The following ST6GALNAC3 variants were observed in gnomAD, a reference collection of about 807,000 sequenced individuals.
ST6GALNAC3 encodes the protein ST6 N-acetylgalactosaminide alpha-2,6-sialyltransferase 3, also known as alpha-N-acetylgalactosaminide alpha-2,6-sialyltransferase 3.
In ST6GALNAC3, 25 loss-of-function variants were observed where a neutral mutation model predicts 32.7. The ratio of observed to expected loss-of-function variants is 0.76; its 90% CI spans 0.56 to 1.07. The LOEUF is 1.07. Among genes scored for constraint, ST6GALNAC3 ranks in the 50% least tolerant of loss-of-function variants. The pLI is 0.00. For synonymous variants in ST6GALNAC3, 129 were observed against 133.1 expected, an observed-to-expected ratio of 0.97 and a Z score of 0.21; for missense variants, 355 against 382.4, an observed-to-expected ratio of 0.93 and a Z score of 0.60.
intron 2 of ST6GALNAC3, among the ~76,000 whole-genome samples, chr1:76,338,436 A>G (rs769754568): frequency 6.6e-6 from 1 of 152,186 alleles, no homozygotes; most frequent in Admixed American, 6.5e-5. Context: ...AAAGACCCCT[A>G]TAATTCTAGA....
At chr1:76,425,960 C>CT (rs1655349810) in intron 3 of ST6GALNAC3, among the ~76,000 whole-genome samples, 1 of 151,808 alleles carries the variant, frequency 6.6e-6, no homozygotes, top group Non-Finnish European at 1.5e-5. Flanking sequence ...AATATGTTAG[C>CT]TTAAGTAAAG....
chr1:76,546,115 G>A (rs1320869531), intron 3 of ST6GALNAC3, among the ~76,000 whole-genome samples: 1 of 152,150 alleles, frequency 6.6e-6, no homozygotes, highest in African/African-American at 2.4e-5. Context: ...AACAGTGCTT[G>A]GCACATTTAA....
At chr1:76,234,107 G>A (rs992233120) in intron 1 of ST6GALNAC3, among the ~76,000 whole-genome samples, 1 of 152,106 alleles carries the variant, frequency 6.6e-6, no homozygotes, top group Non-Finnish European at 1.5e-5. Flanking sequence ...TTATACCCAG[G>A]TTTGTGCGAT....
rs1491209392 is a variant in ST6GALNAC3 at position 76,256,016 on chromosome 1, A to ACACACACG, written c.19-57782_19-57781insGCACACAC. ...TTTTTTCAAAAGACTGTCAGTGGTA[A>ACACACACG]CACACACACACACACACACACACAC... On this transcript the variant is annotated intron_variant, in intron 1 of 4. Transcript: ENST00000328299. Among the ~76,000 whole-genome samples, 3 of 38,558 alleles carry ACACACACG rather than the reference A, an allele frequency of 7.8e-5. No individual in the cohort carries two copies. In the African/African-American group the frequency reaches 1.3e-3, roughly 16 times the overall value. 25.3% of individuals were successfully genotyped at this position (38,558 alleles called of 152,430 possible).
chr1:76,474,663 G>T (rs1269433676), intron 3 of ST6GALNAC3, among the ~76,000 whole-genome samples: 1 of 152,106 alleles, frequency 6.6e-6, no homozygotes, highest in Non-Finnish European at 1.5e-5. Flanking sequence ...ACAAAAAGAT[G>T]CAGTCAGCTC....
intron 2 of ST6GALNAC3, among the ~76,000 whole-genome samples, chr1:76,365,586 C>T (rs1650302040): frequency 6.6e-6 from 1 of 152,116 alleles, no homozygotes; most frequent in African/African-American, 2.4e-5. Flanking sequence ...TTAAATAATT[C>T]CGTGATCTAA....
chr1:76,537,628 C>T (rs1663700437), intron 3 of ST6GALNAC3, among the ~76,000 whole-genome samples: 1 of 151,848 alleles, frequency 6.6e-6, no homozygotes, highest in Non-Finnish European at 1.5e-5. Flanking sequence ...TATTGTGTAC[C>T]ATCATTTTAC....
intron 1 of ST6GALNAC3, among the ~76,000 whole-genome samples, chr1:76,080,309 TC>T (rs1646875787): frequency 6.6e-6 from 1 of 152,184 alleles, no homozygotes; most frequent in Non-Finnish European, 1.5e-5. Context: ...TTTTTTTATG[TC>T]AGTTATAGAC....
chr1:76,503,789 A>C (rs1661319260), intron 3 of ST6GALNAC3, among the ~76,000 whole-genome samples: 1 of 152,178 alleles, frequency 6.6e-6, no homozygotes, highest in South Asian at 2.1e-4. Flanking sequence ...AGTCTTTACA[A>C]ACTCGGCTCA....
intron 1 of ST6GALNAC3, among the ~76,000 whole-genome samples, chr1:76,111,824 T>G (rs1449509146): frequency 6.6e-6 from 1 of 151,564 alleles, no homozygotes; most frequent in Non-Finnish European, 1.5e-5. Flanking sequence ...ATGAAAAGTC[T>G]CCCATGTCTA....
chr1:76,465,584 T>TG (rs1413276466), intron 3 of ST6GALNAC3, among the ~76,000 whole-genome samples: 1 of 152,164 alleles, frequency 6.6e-6, no homozygotes, highest in Non-Finnish European at 1.5e-5. Flanking sequence ...GGGGAACAGT[T>TG]GCTGTATTTG....
At chr1:76,527,509 A>G (rs140980349) in intron 3 of ST6GALNAC3, among the ~76,000 whole-genome samples, 2 of 152,218 alleles carry the variant, frequency 1.3e-5, no homozygotes, top group African/African-American at 2.4e-5. Flanking sequence ...ATTGATTCAA[A>G]AAAAGATTTA....
chr1:76,605,242 G>A lies in ST6GALNAC3; in HGVS notation c.624-22210G>A, dbSNP rs113046847. On this transcript the variant is annotated intron_variant, in intron 3 of 4. Coordinates refer to ENST00000328299, the MANE Select transcript of ST6GALNAC3 (RefSeq NM_152996.4). ...GAAGATGATATTTCTGAGTATTAAC[G>A]TATGAGTAGGAGTTTGCTTGTTGGA... Among the ~76,000 whole-genome samples, 904 of 152,262 alleles carry A rather than the reference G, an allele frequency of 5.9e-3. 7 individuals carry two copies. Among genetic ancestry groups the A allele is most frequent in the African/African-American group, 0.02 (850 of 41,550 alleles).
At chr1:76,451,395 TACTC>T (rs1463827490) in intron 3 of ST6GALNAC3, among the ~76,000 whole-genome samples, 2 of 152,168 alleles carry the variant, frequency 1.3e-5, no homozygotes, top group African/African-American at 2.4e-5. Flanking sequence ...TCATGAGACT[TACTC>T]ACTAACACAA....
At chr1:76,459,529 A>C (rs1571302227) in intron 3 of ST6GALNAC3, among the ~76,000 whole-genome samples, 1 of 151,106 alleles carries the variant, frequency 6.6e-6, no homozygotes, top group South Asian at 2.1e-4. Flanking sequence ...GCTCCACTGC[A>C]CTCCAGCCTG....
intron 1 of ST6GALNAC3, among the ~76,000 whole-genome samples, chr1:76,258,602 A>C (rs561052675): frequency 6.6e-6 from 1 of 152,268 alleles, no homozygotes; most frequent in East Asian, 1.9e-4. Context: ...AGAGGTTTGG[A>C]GTTTGCTCAA....
At chr1:76,104,609 G>A (rs1048851093) in intron 1 of ST6GALNAC3, among the ~76,000 whole-genome samples, 17 of 127,614 alleles carry the variant, frequency 1.3e-4, no homozygotes, top group South Asian at 2.3e-4. Context: ...CTGGCCTGAC[G>A]CTTTTTTTTT....
chr1:76,620,338 G>T (rs377672032), intron 3 of ST6GALNAC3, among the ~76,000 whole-genome samples: 5 of 152,222 alleles, frequency 3.3e-5, no homozygotes, highest in South Asian at 4.1e-4. Flanking sequence ...TTTAAGAAAA[G>T]AAGTCCTGGA....
intron 1 of ST6GALNAC3, among the ~76,000 whole-genome samples, chr1:76,115,404 T>C (rs1256732005): frequency 6.6e-6 from 1 of 152,212 alleles, no homozygotes; most frequent in East Asian, 1.9e-4. Context: ...AATTTAAATT[T>C]ACTACATGCC....
Sources: gnomAD v4.1 joint callset for allele counts (sites outside exome capture counted in the v4.1 genomes callset) on GRCh38, gnomAD v4.1.1 for gene constraint, MANE v1.5 for transcripts, NCBI Gene and HGNC (gene_info 2026-07-23, HGNC 2026-07-21) for gene names.